ARHGAP22: variants seen among roughly 807,000 people sequenced by gnomAD.
ARHGAP22 encodes the protein Rho GTPase activating protein 22, also known as rho GTPase-activating protein 22.
ARHGAP22 carries 48 observed loss-of-function variants against 59.1 expected under a neutral mutation model. That is an observed-to-expected ratio of 0.81 (90% CI 0.64 to 1.03). The LOEUF (loss-of-function observed/expected upper bound fraction) is 1.03. Among genes scored for constraint, ARHGAP22 ranks in the 50% least tolerant of loss-of-function variants. ARHGAP22 has a pLI of 0.00. For missense variants in ARHGAP22, 1,015 were observed against 958.7 expected (o/e 1.06, Z -0.78); for synonymous variants, 445 against 416.4 (o/e 1.07, Z -0.84).
intron 4 of ARHGAP22, among the ~76,000 whole-genome samples, chr10:48,478,379 A>C (rs867842446): frequency 6.6e-6 from 1 of 152,226 alleles, no homozygotes; most frequent in South Asian, 2.1e-4. Flanking sequence ...TTTATCATTC[A>C]ATGAAAGGTG....
chr10:48,641,242 A>T (rs1431737410), intron 1 of ARHGAP22, among the ~76,000 whole-genome samples: 2 of 152,214 alleles, frequency 1.3e-5, no homozygotes, highest in Non-Finnish European at 2.9e-5. Context: ...AAATTCAAAC[A>T]TATCAATAAT....
upstream of ARHGAP22, among the ~76,000 whole-genome samples, chr10:48,608,611 T>C (rs2060765145): frequency 6.6e-6 from 1 of 152,192 alleles, no homozygotes; most frequent in African/African-American, 2.4e-5. Flanking sequence ...TAGTGCACTC[T>C]CTGTTCCTGC....
intron 3 of ARHGAP22, among the ~76,000 whole-genome samples, chr10:48,553,222 C>A (rs112255482): frequency 1.3e-5 from 2 of 152,240 alleles, no homozygotes; most frequent in African/African-American, 2.4e-5. Context: ...GACCGCTCAC[C>A]GCCCACCACC....
chr10:48,512,318 T>C (rs1379504141), intron 3 of ARHGAP22, among the ~76,000 whole-genome samples: 4 of 152,238 alleles, frequency 2.6e-5, no homozygotes, highest in Middle Eastern at 3.2e-3. Context: ...AGATAGCCTA[T>C]GGGAATCCCA....
In ARHGAP22 at chr10:48,519,942, A is replaced by T. The variant is rs185033766; in HGVS notation, c.322+35521T>A. On this transcript the variant is annotated intron_variant, in intron 3 of 9. Coordinates refer to ENST00000249601, the MANE Select transcript of ARHGAP22 (RefSeq NM_021226.4). ...GGGTGGATGCTGGCTTGGGCAGTGG[A>T]CTAGAAGGGGCAAGGGTGAACTCAG... 2.6e-4 allele frequency among the ~76,000 whole-genome samples: 40 copies of T among 152,248 alleles called. 1 individual carries two copies. Among genetic ancestry groups the T allele is most frequent in the Admixed American group, 1.6e-3 (25 of 15,302 alleles).
At chr10:48,646,834 T>C (rs80087398) in intron 1 of ARHGAP22, among the ~76,000 whole-genome samples, 7,562 of 152,260 alleles carry the variant, frequency 0.05, 244 homozygotes, top group South Asian at 0.087. Flanking sequence ...GGTGGACTCT[T>C]AGATACCATA....
intron 1 of ARHGAP22, among the ~76,000 whole-genome samples, chr10:48,647,591 G>C (rs1284485930): frequency 6.6e-6 from 1 of 151,788 alleles, no homozygotes; most frequent in Non-Finnish European, 1.5e-5. Context: ...TTATGTATGA[G>C]GTGGGATTGT....
At chr10:48,595,610 A>G (rs535224335) in intron 1 of ARHGAP22, among the ~76,000 whole-genome samples, 1 of 152,252 alleles carries the variant, frequency 6.6e-6, no homozygotes, top group South Asian at 2.1e-4. Flanking sequence ...TGCAGGCTCA[A>G]ACTCTTAGGT....
Position 48,550,290 on chromosome 10 carries a change from T to A in ARHGAP22, c.322+5173A>T, listed in dbSNP as rs539145824. On this transcript the variant is annotated intron_variant, in intron 3 of 9. Coordinates refer to ENST00000249601, the MANE Select transcript of ARHGAP22 (RefSeq NM_021226.4). ...GCCTTTCTCATCCTGTGAGTCAATG[T>A]CTGCCTTCCTGCCTGCTTCCTGAAC... is the stretch of plus-strand genomic sequence containing the variant. 8.5e-5 allele frequency among the ~76,000 whole-genome samples: 13 copies of A among 152,354 alleles called. No individual in the cohort carries two copies. In the South Asian group the frequency reaches 2.5e-3, roughly 29 times the overall value.
At chr10:48,469,557 C>T (rs1223517087) in intron 4 of ARHGAP22, among the ~76,000 whole-genome samples, 1 of 152,202 alleles carries the variant, frequency 6.6e-6, no homozygotes, top group Admixed American at 6.5e-5. Context: ...CCCTCCCCAA[C>T]CAAGACAACT....
intron 3 of ARHGAP22, among the ~76,000 whole-genome samples, chr10:48,539,308 T>TTTTTTTTTTA: frequency 6.7e-6 from 1 of 148,520 alleles, no homozygotes; most frequent in Non-Finnish European, 1.5e-5. Flanking sequence ...TTTTTTTTTT[T>TTTTTTTTTTA]TGAGACGGAG....
At chr10:48,655,263 G>GCC (rs1565071158), upstream of ARHGAP22, among the ~76,000 whole-genome samples, 3 of 124,084 alleles carry the variant, frequency 2.4e-5, no homozygotes, top group Non-Finnish European at 3.3e-5. Flanking sequence ...GTGTGGGGGG[G>GCC]GGGGGGGGCG....
At chr10:48,647,977 C>T (rs2062383943) in intron 1 of ARHGAP22, among the ~76,000 whole-genome samples, 1 of 152,240 alleles carries the variant, frequency 6.6e-6, no homozygotes, top group South Asian at 2.1e-4. Flanking sequence ...AGAAAATGTC[C>T]AGAAAAGGCA....
At chr10:48,573,335 G>A (rs1428451725) in intron 2 of ARHGAP22, among the ~76,000 whole-genome samples, 2 of 152,190 alleles carry the variant, frequency 1.3e-5, no homozygotes, top group Non-Finnish European at 2.9e-5. Context: ...AGGAAACTGA[G>A]GCTCAGAGAG....
chr10:48,452,051 C>G (rs2046021168), intron 8 of ARHGAP22, among the ~76,000 whole-genome samples: 1 of 152,126 alleles, frequency 6.6e-6, no homozygotes, highest in South Asian at 2.1e-4. Flanking sequence ...GCTCACCCCC[C>G]AGAATCCCAC....
At chr10:48,530,971 C>T (rs756484091) in intron 3 of ARHGAP22, among the ~76,000 whole-genome samples, 5 of 152,186 alleles carry the variant, frequency 3.3e-5, no homozygotes, top group Non-Finnish European at 5.9e-5. Context: ...TACTTGCACA[C>T]GCATGTTTAT....
At chr10:48,576,957 A>G (rs2058755146) in intron 2 of ARHGAP22, among the ~76,000 whole-genome samples, 1 of 106,332 alleles carries the variant, frequency 9.4e-6, no homozygotes, top group Admixed American at 1.5e-4. Flanking sequence ...CCAAATCTCC[A>G]TGGTAATTTT....
At chr10:48,525,480 T>C (rs985918116) in intron 3 of ARHGAP22, among the ~76,000 whole-genome samples, 2 of 152,158 alleles carry the variant, frequency 1.3e-5, no homozygotes, top group African/African-American at 2.4e-5. Context: ...GGCTGAGGCA[T>C]GATAATCACT....
chr10:48,578,554 CTGTGTG>C (rs1282345799), intron 2 of ARHGAP22, among the ~76,000 whole-genome samples: 5 of 128,904 alleles, frequency 3.9e-5, no homozygotes, highest in African/African-American at 1.4e-4. Context: ...GTGTGTGTGT[CTGTGTG>C]TGTGTGTTTG....
Sources: allele counts gnomAD v4.1 joint callset (sites outside exome capture counted in the v4.1 genomes callset), GRCh38; gene constraint gnomAD v4.1.1; transcripts MANE v1.5; gene names NCBI Gene and HGNC (gene_info 2026-07-23, HGNC 2026-07-21).